Variants in BLACAT1 observed in about 807,000 individuals in gnomAD.
BLACAT1 encodes BLACAT1 overlapping LEMD1 locus.
intron 1 of BLACAT1, among the ~76,000 whole-genome samples, chr1:205,455,216 GGGGAGGCAGT>G (rs1666548378): frequency 6.6e-6 from 1 of 152,194 alleles, no homozygotes; most frequent in Middle Eastern, 3.2e-3. Flanking sequence ...CCCCAGGGAT[GGGGAGGCAGT>G]GGGAGGCAGG....
intron 1 of BLACAT1, chr1:205,449,998 A>G: frequency 6.6e-6 from 1 of 151,810 alleles, no homozygotes; most frequent in Non-Finnish European, 1.5e-5. Flanking sequence ...CAGCGAGGGC[A>G]GGCCTCCTCC....
At chr1:205,455,475 C>T (rs1403049687) in intron 1 of BLACAT1, among the ~76,000 whole-genome samples, 2 of 152,188 alleles carry the variant, frequency 1.3e-5, no homozygotes, top group Non-Finnish European at 2.9e-5. Flanking sequence ...GTGTCACAAA[C>T]CCCTGATCCC....
At chr1:205,440,918 G>A (rs1258007658) in exon 2 of BLACAT1, 1 of 152,350 alleles carries the variant, frequency 6.6e-6, no homozygotes, top group African/African-American at 2.4e-5. Context: ...AGGGGCCCTG[G>A]TTCTGATCAC....
rs913724 is a variant in BLACAT1, at chr1:205,448,103, T to C, written c.-36-7041A>G. ...CCTCAGAGGGAATCTCCCTCTGGAA[T>C]CACCGGCCCAGTCTCTTCATTCCAG... is the stretch of plus-strand genomic sequence containing the variant. On this transcript the variant is annotated intron_variant, in intron 1 of 1. Transcript: ENST00000629624. This position sits in a 1 kb window ranked among gnomAD's most constrained non-coding sequence, Gnocchi z 4.7. 0.38 allele frequency among the ~76,000 whole-genome samples: 57,697 copies of C among 152,016 alleles called. 11,155 individuals carry two copies. The highest frequency in any genetic ancestry group is 0.41 in the Non-Finnish European group (27,860 of 67,950).
At chr1:205,451,297 A>G (rs927110228) in intron 1 of BLACAT1, among the ~76,000 whole-genome samples, 32 of 151,886 alleles carry the variant, frequency 2.1e-4, no homozygotes, top group Non-Finnish European at 4.4e-5. Context: ...CCCATCCCCC[A>G]CACCTACCAC....
chr1:205,447,788 A>C (rs967676290), intron 1 of BLACAT1, among the ~76,000 whole-genome samples: 10 of 152,060 alleles, frequency 6.6e-5, no homozygotes, highest in Non-Finnish European at 1.3e-4. Flanking sequence ...CACTCTGCAG[A>C]CACCTCCTCT....
rs553288724 is a variant in BLACAT1 at position 205,441,506 on chromosome 1, G to A, written c.-36-444C>T. ...CTTCTGCAGGTTGCACACACGACAG[G>A]CCCTCCTCCATCCAAATGCGGACCC... On this transcript the variant is annotated intron_variant, in intron 1 of 1. Transcript: ENST00000629624. This position sits in a 1 kb window ranked among gnomAD's most constrained non-coding sequence, Gnocchi z 4.3. Among the ~76,000 whole-genome samples the A allele has an allele frequency of 9.2e-5, 14 of 152,124 alleles. No individual in the cohort carries two copies. The highest frequency in any genetic ancestry group is 2.1e-4 in the Non-Finnish European group (14 of 68,030).
chr1:205,453,169 T>A (rs1666518543), intron 1 of BLACAT1, among the ~76,000 whole-genome samples: 1 of 151,816 alleles, frequency 6.6e-6, no homozygotes, highest in Non-Finnish European at 1.5e-5. Context: ...AGATTCGGAG[T>A]TGTGGTTGAG....
At chr1:205,444,163 G>A (rs1329816502) in intron 1 of BLACAT1, among the ~76,000 whole-genome samples, 1 of 151,930 alleles carries the variant, frequency 6.6e-6, no homozygotes, top group Admixed American at 6.6e-5. Flanking sequence ...TAGTCCAGGA[G>A]GGACTAAGGA....
At chr1:205,447,753 G>A (rs1293650593) in intron 1 of BLACAT1, among the ~76,000 whole-genome samples, 2 of 83,408 alleles carry the variant, frequency 2.4e-5, no homozygotes, top group African/African-American at 6.7e-5. Flanking sequence ...CCTGTCGCCC[G>A]GGGGAGCGCC....
rs1666433339 is a variant in BLACAT1, at chr1:205,448,086, G to A, written c.-36-7024C>T. On this transcript the variant is annotated intron_variant, in intron 1 of 1. Coordinates refer to ENST00000629624, the Ensembl canonical transcript of BLACAT1. The surrounding 1 kb of genome is among the most constrained non-coding windows in gnomAD (Gnocchi z 4.7). Reference sequence around the variant, plus strand: ...TGAAGGTCTCCTTCCTTCCTCAGAGGGAATCTCCCTCTGGAATCACCGGCC... The same window carrying A: ...TGAAGGTCTCCTTCCTTCCTCAGAGAGAATCTCCCTCTGGAATCACCGGCC... Among the ~76,000 whole-genome samples the A allele has an allele frequency of 1.3e-5, 2 of 152,156 alleles. No individual in the cohort carries two copies. The highest frequency in any genetic ancestry group is 4.8e-5 in the African/African-American group (2 of 41,436).
In BLACAT1 at chr1:205,448,622, T is replaced by C. The variant is rs1350368963; in HGVS notation, c.-37+7295A>G. Among the ~76,000 whole-genome samples, 2 of 151,964 alleles carry C rather than the reference T, an allele frequency of 1.3e-5. No individual in the cohort carries two copies. The highest frequency in any genetic ancestry group is 2.9e-5 in the Non-Finnish European group (2 of 67,948). ...GCCCTACAAAGGCCTCACACAATGG[T>C]CCTCACTCCAGGGTATGAGGAGGGG... On this transcript the variant is annotated intron_variant, in intron 1 of 1. Coordinates refer to ENST00000629624, the Ensembl canonical transcript of BLACAT1. The surrounding 1 kb of genome is among the most constrained non-coding windows in gnomAD (Gnocchi z 4.7).
At chr1:205,452,187 A>C (rs1666506708) in intron 1 of BLACAT1, among the ~76,000 whole-genome samples, 2 of 152,270 alleles carry the variant, frequency 1.3e-5, no homozygotes, top group South Asian at 4.1e-4. Context: ...ATGAAAACTA[A>C]AGCCTGTTTC....
At chr1:205,447,805 G>A (rs1666429194) in intron 1 of BLACAT1, among the ~76,000 whole-genome samples, 1 of 152,068 alleles carries the variant, frequency 6.6e-6, no homozygotes, top group South Asian at 2.1e-4. Context: ...CTCTTCCCTC[G>A]TGGCCGGCAT....
At chr1:205,439,001 C>A (rs116178513), downstream of BLACAT1, among the ~76,000 whole-genome samples, 9 of 152,208 alleles carry the variant, frequency 5.9e-5, no homozygotes, top group Non-Finnish European at 1.3e-4. Flanking sequence ...ACATAACACC[C>A]AATATCTCTG....
chr1:205,453,819 A>G (rs1158927468), intron 1 of BLACAT1, among the ~76,000 whole-genome samples: 1 of 152,196 alleles, frequency 6.6e-6, no homozygotes, highest in Non-Finnish European at 1.5e-5. Context: ...CCCAGGCCAC[A>G]GTTTTGCCTC....
At chr1:205,454,508 G>C (rs960682423) in intron 1 of BLACAT1, among the ~76,000 whole-genome samples, 1 of 151,770 alleles carries the variant, frequency 6.6e-6, no homozygotes, top group Non-Finnish European at 1.5e-5. Context: ...ACTACTTGGA[G>C]GAAGTGTTAT....
downstream of BLACAT1, among the ~76,000 whole-genome samples, chr1:205,439,110 G>C (rs1353743558): frequency 6.6e-6 from 1 of 152,172 alleles, no homozygotes; most frequent in African/African-American, 2.4e-5. Context: ...CCCTCCAGGA[G>C]GCTCTCTGGC....
chr1:205,435,165 T>C (rs1463056542), downstream of BLACAT1: 1 of 152,188 alleles, frequency 6.6e-6, no homozygotes, highest in African/African-American at 2.4e-5. Flanking sequence ...GTCGCCAGGG[T>C]TGTGGTCTTG....
Sources: allele counts gnomAD v4.1 joint callset (sites outside exome capture counted in the v4.1 genomes callset), GRCh38; gene constraint gnomAD v4.1.1; non-coding constraint Gnocchi (gnomAD v3.1); transcripts MANE v1.5; gene names NCBI Gene and HGNC (gene_info 2026-07-23, HGNC 2026-07-21).